Variants in RAB3IP observed in about 807,000 individuals in gnomAD.
The protein encoded by RAB3IP is RAB3A interacting protein.
RAB3IP carries 36 observed loss-of-function variants against 59.1 expected under a neutral mutation model. The ratio of observed to expected loss-of-function variants is 0.61; its 90% CI spans 0.47 to 0.80. The LOEUF (loss-of-function observed/expected upper bound fraction) is 0.80. Among genes scored for constraint, RAB3IP ranks in the 30% least tolerant of loss-of-function variants. RAB3IP has a pLI of 0.00. For synonymous variants in RAB3IP, 207 were observed against 191.2 expected (o/e 1.08, Z -0.68); for missense variants, 511 against 536.0 (o/e 0.95, Z 0.46).
rs189183710 is a variant in RAB3IP, at chr12:69,819,302, T to C, written c.*3856T>C. ...AATCTTAGGCTTTTGGCTTGAGCTA[T>C]TGCAGTTTATTGAGATGGGGAAATA... On this transcript the variant is annotated 3_prime_UTR_variant, in exon 11 of 11. Coordinates refer to ENST00000247833, the MANE Select transcript of RAB3IP (RefSeq NM_022456.5). 5 of 152,314 alleles carry C rather than the reference T, an allele frequency of 3.3e-5. No homozygotes were observed. Among genetic ancestry groups the C allele is most frequent in the Admixed American group, 2.6e-4 (4 of 15,304 alleles). 9.4% of individuals were successfully genotyped at this position (152,314 alleles called of 1,614,324 possible). A position where few individuals can be genotyped will look rare whatever the true frequency, so the allele number is the denominator to read the frequency against.
At chr12:69,746,580 A>T (rs901132928) in intron 1 of RAB3IP, among the ~76,000 whole-genome samples, 2 of 152,186 alleles carry the variant, frequency 1.3e-5, no homozygotes, top group African/African-American at 4.8e-5. Flanking sequence ...CTTAGCACTT[A>T]GTATCAGGAT....
intron 8 of RAB3IP, among the ~76,000 whole-genome samples, chr12:69,808,478 C>CACAGTGGGGTTGTTG (rs1222464533): frequency 2.0e-5 from 3 of 152,028 alleles, no homozygotes; most frequent in Non-Finnish European, 4.4e-5. Context: ...TCTGTGTTGA[C>CACAGTGGGGTTGTTG]ACAGTGGGGT....
rs1351020594 is a variant in RAB3IP at position 69,819,689 on chromosome 12, C to T, written c.*4243C>T. On this transcript the variant is annotated 3_prime_UTR_variant, in exon 11 of 11. Coordinates refer to ENST00000247833, the MANE Select transcript of RAB3IP (RefSeq NM_022456.5). The stretch of plus-strand genomic sequence containing the variant: ...GTGTTTCTACGCTGAATTTAATTGC[C>T]AAGATTACCAATTCTAAAGAAGAGG... 6.6e-6 allele frequency: 1 copy of T among 152,146 alleles called. No homozygotes were observed. The highest frequency in any genetic ancestry group is 1.5e-5 in the Non-Finnish European group (1 of 68,038). The allele number at this position is 152,146 out of a possible 1,614,324, so 9.4% of individuals were successfully genotyped here.
intron 3 of RAB3IP, among the ~76,000 whole-genome samples, chr12:69,783,668 A>G (rs1875145537): frequency 6.6e-6 from 1 of 151,914 alleles, no homozygotes; most frequent in Admixed American, 6.5e-5. Flanking sequence ...TTATTCTTAG[A>G]TTTGCTCTCC....
At chr12:69,759,493 G>A (rs543690600) in intron 3 of RAB3IP, among the ~76,000 whole-genome samples, 10 of 152,128 alleles carry the variant, frequency 6.6e-5, no homozygotes, top group African/African-American at 2.4e-4. Context: ...TCAATGAGCT[G>A]TTGGGTACAC....
chr12:69,795,036 A>G lies in RAB3IP; in HGVS notation c.685-105A>G. 3.6e-6 allele frequency: 3 copies of G among 821,988 alleles called. No individual in the cohort carries two copies. In the East Asian group the frequency reaches 7.8e-5, roughly 21 times the overall value. The allele number at this position is 821,988 out of a possible 1,614,324, so 50.9% of individuals were successfully genotyped here. Reference sequence around the variant, plus strand: ...TTACTCCACAGGAAATACAAATTAAACTTACTTTTCATCTTTGAAAGTGTT... The same window carrying G: ...TTACTCCACAGGAAATACAAATTAAGCTTACTTTTCATCTTTGAAAGTGTT... On this transcript the variant is annotated intron_variant, in intron 5 of 10. Coordinates refer to ENST00000247833, the MANE Select transcript of RAB3IP (RefSeq NM_022456.5).
intron 10 of RAB3IP, 26 bp from the exon 11 acceptor site, chr12:69,815,338 A>T: frequency 1.4e-6 from 2 of 1,476,488 alleles, no homozygotes; most frequent in South Asian, 2.3e-5. Context: ...TTATGATTTA[A>T]ATATCTCTCT....
chr12:69,802,138 A>G (rs1878487120), intron 8 of RAB3IP, among the ~76,000 whole-genome samples: 6 of 151,702 alleles, frequency 4.0e-5, no homozygotes, highest in Admixed American at 3.9e-4. Flanking sequence ...AGTGGGTCAT[A>G]AGTAGAATTT....
At chr12:69,810,166 C>A (rs575160577) in intron 8 of RAB3IP, among the ~76,000 whole-genome samples, 1 of 152,190 alleles carries the variant, frequency 6.6e-6, no homozygotes, top group Non-Finnish European at 1.5e-5. Context: ...AGGTCCACTC[C>A]GGACCCTGTT....
intron 8 of RAB3IP, among the ~76,000 whole-genome samples, chr12:69,808,275 T>A (rs1249958405): frequency 6.6e-6 from 1 of 152,172 alleles, no homozygotes; most frequent in Non-Finnish European, 1.5e-5. Flanking sequence ...ATAATTTCTG[T>A]TCTTTTACAT....
chr12:69,783,696 A>G (rs891393953), intron 3 of RAB3IP, among the ~76,000 whole-genome samples: 4 of 152,200 alleles, frequency 2.6e-5, no homozygotes, highest in Non-Finnish European at 4.4e-5. Flanking sequence ...CTCCAAAGAT[A>G]GAGTCCTGTG....
chr12:69,803,098 T>C (rs1205307821), intron 8 of RAB3IP, among the ~76,000 whole-genome samples: 1 of 152,196 alleles, frequency 6.6e-6, no homozygotes, highest in Non-Finnish European at 1.5e-5. Context: ...ATTTAAAATT[T>C]GTGCTTGCAT....
Position 69,821,299 on chromosome 12 carries a change from C to G in RAB3IP, c.*5853C>G, listed in dbSNP as rs1398246625. On this transcript the variant is annotated 3_prime_UTR_variant, in exon 11 of 11. Coordinates refer to ENST00000247833, the MANE Select transcript of RAB3IP (RefSeq NM_022456.5). ...ACTATTCAAGAGAATGATTCTCTACCGAAACTCTGCAAAATGGGGATATCA... is the reference window on the plus strand; with the variant it reads ...ACTATTCAAGAGAATGATTCTCTACGGAAACTCTGCAAAATGGGGATATCA... 6.6e-6 allele frequency: 1 copy of G among 152,116 alleles called. No individual in the cohort carries two copies. Among genetic ancestry groups the G allele is most frequent in the Non-Finnish European group, 1.5e-5 (1 of 68,032 alleles). The allele number at this position is 152,116 out of a possible 1,614,324, so 9.4% of individuals were successfully genotyped here. A position where few individuals can be genotyped will look rare whatever the true frequency, so the allele number is the denominator to read the frequency against.
chr12:69,771,073 T>A (rs1873031621), intron 3 of RAB3IP, among the ~76,000 whole-genome samples: 1 of 152,186 alleles, frequency 6.6e-6, no homozygotes, highest in African/African-American at 2.4e-5. Context: ...AGATCAAATT[T>A]TTTAGATTTC....
chr12:69,801,647 T>C lies in RAB3IP; in HGVS notation c.1056T>C (p.Thr352=), dbSNP rs752452066. 11 of 1,612,924 alleles carry C rather than the reference T, an allele frequency of 6.8e-6. No individual in the cohort carries two copies. In the Admixed American group the frequency reaches 1.2e-4, roughly 17 times the overall value. ...TTCTGGAGGCTGTGGAAAACAATAC[T>C]CTAAGCATTGAACCAGTGGGATTAC... ...SAVLEAVENN[T]LSIEPVGLQP... The change falls in exon 8 of 11, where the codon ACT becomes ACC. Residue 352 remains threonine (T), a synonymous_variant. Transcript: ENST00000247833.
chr12:69,784,204 C>T (rs1353545041), intron 3 of RAB3IP, among the ~76,000 whole-genome samples: 2 of 151,938 alleles, frequency 1.3e-5, no homozygotes, highest in African/African-American at 4.8e-5. Flanking sequence ...TGCAAATATG[C>T]ATCATTTATA....
At chr12:69,782,483 G>A (rs1208746069) in intron 3 of RAB3IP, among the ~76,000 whole-genome samples, 8 of 152,116 alleles carry the variant, frequency 5.3e-5, no homozygotes, top group Non-Finnish European at 2.9e-5. Context: ...TTTAATTAGT[G>A]GTTCCTTAAT....
chr12:69,791,382 A>G (rs1423701564), intron 4 of RAB3IP, among the ~76,000 whole-genome samples: 2 of 152,200 alleles, frequency 1.3e-5, no homozygotes, highest in Non-Finnish European at 2.9e-5. Flanking sequence ...AACAGTCAAC[A>G]AAATGAAGAA....
chr12:69,763,622 T>C (rs1871723752), intron 3 of RAB3IP, among the ~76,000 whole-genome samples: 1 of 152,198 alleles, frequency 6.6e-6, no homozygotes, highest in Non-Finnish European at 1.5e-5. Flanking sequence ...TTTCTTCAAC[T>C]TTTATTTTAA....
Sources: allele counts gnomAD v4.1 joint callset (sites outside exome capture counted in the v4.1 genomes callset), GRCh38; gene constraint gnomAD v4.1.1; transcripts MANE v1.5; gene names NCBI Gene and HGNC (gene_info 2026-07-23, HGNC 2026-07-21).